CXCL2: variants seen among roughly 807,000 people sequenced by gnomAD.
CXCL2 encodes C-X-C motif chemokine ligand 2, also known as C-X-C motif chemokine 2.
Under a neutral mutation model 11.2 loss-of-function variants are expected in CXCL2, and 12 were observed. The observed-to-expected ratio is 1.08, with a 90% CI of 0.69 to 1.74. The LOEUF is 1.74. CXCL2 is among the 40% of genes most tolerant of loss of function. The pLI is 0.00. For synonymous variants in CXCL2, 68 were observed against 61.9 expected (o/e 1.10, Z -0.47); for missense variants, 120 against 137.8 (o/e 0.87, Z 0.65).
intron 2 of CXCL2, 37 bp downstream of exon 2, chr4:74,098,762 C>T (rs371945474): frequency 6.2e-7 from 1 of 1,613,348 alleles, no homozygotes; most frequent in Non-Finnish European, 8.5e-7. Context: ...AGTCGGGGAC[C>T]CCAGCAGTGG....
rs202089687 is a variant in CXCL2 at position 74,097,217 on chromosome 4, A to T, written c.*539T>A. Reference sequence around the variant, plus strand: ...AGAACATTTTAGTTCTTAAAGCTTCAACATGAGAAATGTTGACCACACACT... The same window carrying T: ...AGAACATTTTAGTTCTTAAAGCTTCTACATGAGAAATGTTGACCACACACT... On this transcript the variant is annotated 3_prime_UTR_variant, in exon 4 of 4. Transcript: ENST00000508487. The T allele has an allele frequency of 3.9e-5, 6 of 152,252 alleles. No individual in the cohort carries two copies. Among genetic ancestry groups the T allele is most frequent in the Non-Finnish European group, 8.8e-5 (6 of 68,052 alleles). The allele number at this position is 152,252 out of a possible 1,614,324, so 9.4% of individuals were successfully genotyped here.
rs201352382 is a variant in CXCL2 at position 74,098,711 on chromosome 4, A to G, written c.225-27T>C. The G allele has an allele frequency of 6.8e-6, 11 of 1,614,018 alleles. No homozygotes were observed. In the East Asian group the frequency reaches 2.5e-4, roughly 36 times the overall value. On this transcript the variant is annotated intron_variant, in intron 2 of 3. Coordinates refer to ENST00000508487, the MANE Select transcript of CXCL2 (RefSeq NM_002089.4). ...TGCAGAGAGAAGGGAATCTCGTGAG[A>G]CAGGAGGTCGGGCTGAGGACAGGGT...
chr4:74,097,922 G>A, intron 3 of CXCL2, 151 bp from the exon 4 acceptor site: 1 of 760,804 alleles, frequency 1.3e-6, no homozygotes. Context: ...TGACAGCTGT[G>A]CTGTGTGGCA....
In CXCL2 at chr4:74,097,179, C is replaced by T. The variant is rs201194568; in HGVS notation, c.*577G>A. The T allele has an allele frequency of 2.6e-5, 4 of 152,130 alleles. No individual in the cohort carries two copies. The highest frequency in any genetic ancestry group is 4.4e-5 in the Non-Finnish European group (3 of 68,024). 9.4% of individuals were successfully genotyped at this position (152,130 alleles called of 1,614,324 possible). On this transcript the variant is annotated 3_prime_UTR_variant, in exon 4 of 4. Transcript: ENST00000508487. ...GCCTTACAAGAAAGACATAAAATGTCCAAGGGATATTTAGAACATTTTAGT... is the reference window on the plus strand; with the variant it reads ...GCCTTACAAGAAAGACATAAAATGTTCAAGGGATATTTAGAACATTTTAGT...
chr4:74,099,144 G>A lies in CXCL2; in HGVS notation c.-24C>T. ...ATGGGGCTCAGCAGGCGGTTCGAGC[G>A]GCTGTGCGAGGAGGAGAGCTGGCAA... On this transcript the variant is annotated 5_prime_UTR_variant, in exon 1 of 4. Transcript: ENST00000508487. The A allele has an allele frequency of 2.7e-6, 4 of 1,472,810 alleles. No individual in the cohort carries two copies. Among genetic ancestry groups the A allele is most frequent in the South Asian group, 2.6e-5 (2 of 75,620 alleles). The allele number at this position is 1,472,810 out of a possible 1,614,324, so 91.2% of individuals were successfully genotyped here. A position where few individuals can be genotyped will look rare whatever the true frequency, so the allele number is the denominator to read the frequency against.
intron 3 of CXCL2, among the ~76,000 whole-genome samples, chr4:74,098,336 G>A (rs1721325422): frequency 6.6e-6 from 1 of 152,146 alleles, no homozygotes; most frequent in Non-Finnish European, 1.5e-5. Context: ...AGCACAACTG[G>A]CAAACTCCAA....
intron 2 of CXCL2, 42 bp downstream of exon 2, chr4:74,098,757 G>C (rs758430569): frequency 1.9e-6 from 3 of 1,613,492 alleles, no homozygotes; most frequent in Non-Finnish European, 2.5e-6. Context: ...GGGAGAGTCG[G>C]GGACCCCAGC....
chr4:74,098,522 A>T, intron 3 of CXCL2, 79 bp downstream of exon 3: 3 of 1,460,688 alleles, frequency 2.1e-6, no homozygotes, highest in Non-Finnish European at 2.8e-6. Flanking sequence ...GGTTTTCCTG[A>T]TTTACTTTTT....
chr4:74,097,901 G>A, intron 3 of CXCL2, 130 bp from the exon 4 acceptor site: 1 of 938,414 alleles, frequency 1.1e-6, no homozygotes, highest in Non-Finnish European at 1.5e-6. Flanking sequence ...CACCCAAGTG[G>A]GTACTGCCTG....
chr4:74,098,879 G>A lies in CXCL2; in HGVS notation c.144C>T (p.Thr48=). ...TGTTCTTGAGGTGAATTCCCTGCAG[G>A]GTCTGCAAGCACTGGCAGCGCAGTT... The part of the protein sequence containing the change: ...ATELRCQCLQ[T]LQGIHLKNIQ... Residue 48 remains threonine, a synonymous_variant, in exon 2 of 4, where the codon ACC becomes ACT. Coordinates refer to ENST00000508487, the MANE Select transcript of CXCL2 (RefSeq NM_002089.4). The A allele has an allele frequency of 1.2e-6, 2 of 1,614,186 alleles. No individual in the cohort carries two copies. Among genetic ancestry groups the A allele is most frequent in the Non-Finnish European group, 1.7e-6 (2 of 1,180,024 alleles).
At chr4:74,098,729 G>C in intron 2 of CXCL2, 45 bp from the exon 3 acceptor site, 1 of 1,613,936 alleles carries the variant, frequency 6.2e-7, no homozygotes, top group Non-Finnish European at 8.5e-7. Context: ...TCGGGCTGAG[G>C]ACAGGGTTTG....
In CXCL2 at chr4:74,097,098, T is replaced by C. The variant is rs1287652506; in HGVS notation, c.*658A>G. The C allele has an allele frequency of 6.6e-6, 1 of 152,224 alleles. No individual in the cohort carries two copies. The highest frequency in any genetic ancestry group is 1.5e-5 in the Non-Finnish European group (1 of 68,042). The allele number at this position is 152,224 out of a possible 1,614,324, so 9.4% of individuals were successfully genotyped here. On this transcript the variant is annotated 3_prime_UTR_variant, in exon 4 of 4. Transcript: ENST00000508487. The stretch of plus-strand genomic sequence containing the variant: ...GAAAACATCAATAAATATCGAAACC[T>C]CTCTGCTCTAACACAGAGGGAAACA...
chr4:74,099,181 T>C lies in CXCL2; in HGVS notation c.-61A>G. 7.1e-7 allele frequency: 1 copy of C among 1,411,528 alleles called. No homozygotes were observed. Among genetic ancestry groups the C allele is most frequent in the Non-Finnish European group, 9.2e-7 (1 of 1,087,318 alleles). 87.4% of individuals were successfully genotyped at this position (1,411,528 alleles called of 1,614,324 possible). A position where few individuals can be genotyped will look rare whatever the true frequency, so the allele number is the denominator to read the frequency against. On this transcript the variant is annotated 5_prime_UTR_variant, in exon 1 of 4. Coordinates refer to ENST00000508487, the MANE Select transcript of CXCL2 (RefSeq NM_002089.4). ...AGGAGAGCTGGCAAGGAGCTGCCTG[T>C]GGCCCGGGCTCTGTGGCTCTCCGAG...
In CXCL2 at chr4:74,098,901, A is replaced by T; in HGVS notation, c.122T>A (p.Leu41Gln). The part of the protein sequence containing the change: ...RAAGAPLATE[L>Q]RCQCLQTLQG... ...CAGGGTCTGCAAGCACTGGCAGCGC[A>T]GTTCAGTGGCCAGGGGCGCTCCTAG... Residue 41 changes from leucine (L) to glutamine (Q), a missense_variant, in exon 2 of 4, where the codon CTG (leucine) becomes CAG (glutamine). Transcript: ENST00000508487. The T allele has an allele frequency of 6.2e-7, 1 of 1,614,134 alleles. No homozygotes were observed. Among genetic ancestry groups the T allele is most frequent in the African/African-American group, 1.3e-5 (1 of 75,080 alleles).
At position 74,099,033 on chromosome 4, in the gene CXCL2, G is replaced by A. The variant is rs907204082; in HGVS notation, c.88C>T (p.Arg30Trp). The change falls in exon 1 of 4, where the codon CGG becomes TGG. Residue 30 changes from arginine to tryptophan, a missense_variant. By Grantham distance (101) the Arg-to-Trp change is moderately radical. Coordinates refer to ENST00000508487, the MANE Select transcript of CXCL2 (RefSeq NM_002089.4). ...CGCCGGGACCCACCTGCTGCGCGCCGGCTGGCGGCCACCAGGAGCAGGAGC... is the reference window on the plus strand; with the variant it reads ...CGCCGGGACCCACCTGCTGCGCGCCAGCTGGCGGCCACCAGGAGCAGGAGC... ...LLLLLLVAAS[R>W]RAAGAPLATE... 4 of 1,472,998 alleles carry A rather than the reference G, an allele frequency of 2.7e-6. No homozygotes were observed. In the African/African-American group the frequency reaches 4.4e-5, roughly 16 times the overall value. 91.2% of individuals were successfully genotyped at this position (1,472,998 alleles called of 1,614,324 possible).
chr4:74,097,787 G>A lies in CXCL2; in HGVS notation c.309-16C>T. On this transcript the variant is annotated splice_polypyrimidine_tract_variant and intron_variant, in intron 3 of 3. Transcript: ENST00000508487. ...GGATTTGCCACTGTAATGAGAAAAT[G>A]GGTGCCCTGAGTAGGTGCTCAGGAA... The A allele has an allele frequency of 6.3e-7, 1 of 1,594,732 alleles. No homozygotes were observed. Among genetic ancestry groups the A allele is most frequent in the Non-Finnish European group, 8.6e-7 (1 of 1,168,702 alleles).
rs939011729 is a variant in CXCL2 at position 74,099,015 on chromosome 4, A to C, written c.100+6T>G. The C allele has an allele frequency of 8.5e-6, 13 of 1,522,596 alleles. No homozygotes were observed. The highest frequency in any genetic ancestry group is 1.1e-5 in the Non-Finnish European group (12 of 1,140,658). 94.3% of individuals were successfully genotyped at this position (1,522,596 alleles called of 1,614,324 possible). ...GGCCCGGGGACCCCAGGGCGCCGGG[A>C]CCCACCTGCTGCGCGCCGGCTGGCG... On this transcript the variant is annotated splice_donor_region_variant and intron_variant, in intron 1 of 3. Transcript: ENST00000508487.
At position 74,098,917 on chromosome 4, in the gene CXCL2, G is replaced by T; in HGVS notation, c.106C>A (p.Pro36Thr). ...VAASRRAAGAPLATELRCQCL... is the reference protein window; with the variant it reads ...VAASRRAAGATLATELRCQCL... ...TGGCAGCGCAGTTCAGTGGCCAGGG[G>T]CGCTCCTAGGGAAGAAGAGACTCGC... The change falls in exon 2 of 4, where the codon CCC becomes ACC. Residue 36 changes from proline to threonine, a missense_variant. Coordinates refer to ENST00000508487, the MANE Select transcript of CXCL2 (RefSeq NM_002089.4). 1 of 1,613,802 alleles carries T rather than the reference G, an allele frequency of 6.2e-7. No individual in the cohort carries two copies. Among genetic ancestry groups the T allele is most frequent in the Non-Finnish European group, 8.5e-7 (1 of 1,179,912 alleles).
chr4:74,098,723 G>T (rs1174564309), intron 2 of CXCL2, 39 bp from the exon 3 acceptor site: 1 of 1,613,884 alleles, frequency 6.2e-7, no homozygotes, highest in South Asian at 1.1e-5. Flanking sequence ...AGGAGGTCGG[G>T]CTGAGGACAG....
Sources: allele counts gnomAD v4.1 joint callset (sites outside exome capture counted in the v4.1 genomes callset), GRCh38; gene constraint gnomAD v4.1.1; transcripts MANE v1.5; gene names NCBI Gene and HGNC (gene_info 2026-07-23, HGNC 2026-07-21).